Variants in PRKCB observed in about 807,000 individuals in gnomAD.
PRKCB encodes protein kinase C beta type.
In PRKCB, 13 loss-of-function variants were observed where a neutral mutation model predicts 81.5. The ratio of observed to expected loss-of-function variants is 0.16; its 90% CI spans 0.10 to 0.25. PRKCB has a LOEUF of 0.25. Ranked by LOEUF, PRKCB falls within the 10% of genes least tolerant of loss-of-function variation. The pLI, the probability that PRKCB is intolerant of heterozygous loss-of-function variation, is 1.00. For missense variants in PRKCB, 509 were observed against 875.7 expected (o/e 0.58, Z 5.29); for synonymous variants, 335 against 321.4 (o/e 1.04, Z -0.45).
At chr16:24,202,088 A>C (rs181026102) in intron 16 of PRKCB, among the ~76,000 whole-genome samples, 101 of 152,292 alleles carry the variant, frequency 6.6e-4, no homozygotes, top group African/African-American at 2.3e-3. Flanking sequence ...ACTAGAAGAA[A>C]AGACAATGCC....
At chr16:23,865,412 C>T (rs1245882271) in intron 2 of PRKCB, among the ~76,000 whole-genome samples, 1 of 137,458 alleles carries the variant, frequency 7.3e-6, no homozygotes, top group African/African-American at 2.7e-5. Flanking sequence ...AGGTGATCCT[C>T]CCACCTCAGC....
At chr16:24,000,489 G>A (rs1002494167) in intron 3 of PRKCB, among the ~76,000 whole-genome samples, 2 of 152,194 alleles carry the variant, frequency 1.3e-5, no homozygotes, top group East Asian at 1.9e-4. Context: ...TGGGCATGTC[G>A]TTCGACTTCT....
rs398029038 is a variant in PRKCB, at chr16:23,886,406, GTTT to G, written c.205+49024_205+49026del. Among the ~76,000 whole-genome samples the G allele has an allele frequency of 9.4e-3, 659 of 70,194 alleles. 2 individuals carry two copies. Among genetic ancestry groups the G allele is most frequent in the African/African-American group, 0.031 (479 of 15,508 alleles). 46.0% of individuals were successfully genotyped at this position (70,194 alleles called of 152,430 possible). On this transcript the variant is annotated intron_variant, in intron 2 of 16. Transcript: ENST00000643927. Reference sequence around the variant, plus strand: ...AGGGTTGGACTATGGTGTGTTAGGTGTTTTTTTTTTTTTTTTTTTTTTTTTTGA... The same window carrying G: ...AGGGTTGGACTATGGTGTGTTAGGTGTTTTTTTTTTTTTTTTTTTTTTTGA...
intron 9 of PRKCB, among the ~76,000 whole-genome samples, chr16:24,136,909 A>G (rs1451716231): frequency 1.3e-5 from 2 of 151,680 alleles, no homozygotes; most frequent in Non-Finnish European, 2.9e-5. Flanking sequence ...ATGGAGTCTC[A>G]CTCTGTCGCC....
At chr16:24,055,868 C>T (rs186075698) in intron 5 of PRKCB, among the ~76,000 whole-genome samples, 1 of 152,266 alleles carries the variant, frequency 6.6e-6, no homozygotes, top group Non-Finnish European at 1.5e-5. Flanking sequence ...TATAAATTTC[C>T]TGCACTACAA....
At chr16:24,183,084 T>A (rs980653801) in intron 13 of PRKCB, among the ~76,000 whole-genome samples, 2 of 151,986 alleles carry the variant, frequency 1.3e-5, no homozygotes, top group African/African-American at 2.4e-5. Flanking sequence ...ATGGTCGCGA[T>A]CTCCTGACCT....
chr16:24,089,382 C>T (rs1457112608), intron 5 of PRKCB, among the ~76,000 whole-genome samples: 2 of 151,992 alleles, frequency 1.3e-5, no homozygotes, highest in Non-Finnish European at 2.9e-5. Flanking sequence ...TGGAAGGGTT[C>T]GAGTAAACAT....
At chr16:23,968,645 G>T (rs1403302879) in intron 2 of PRKCB, among the ~76,000 whole-genome samples, 1 of 152,104 alleles carries the variant, frequency 6.6e-6, no homozygotes, top group African/African-American at 2.4e-5. Flanking sequence ...ATTCTGTAAG[G>T]GTCAGCCTTT....
chr16:24,027,809 A>T (rs1965501364), intron 3 of PRKCB, among the ~76,000 whole-genome samples: 1 of 152,104 alleles, frequency 6.6e-6, no homozygotes, highest in African/African-American at 2.4e-5. Context: ...TTGCTCTCCC[A>T]CCCATGCTGG....
At chr16:24,033,170 G>A (rs1377513410) in intron 4 of PRKCB, among the ~76,000 whole-genome samples, 1 of 152,164 alleles carries the variant, frequency 6.6e-6, no homozygotes, top group Non-Finnish European at 1.5e-5. Context: ...AGACCTGTTG[G>A]TCTGCAGCAG....
At chr16:23,948,008 C>A (rs1262257882) in intron 2 of PRKCB, among the ~76,000 whole-genome samples, 2 of 151,522 alleles carry the variant, frequency 1.3e-5, no homozygotes, top group Non-Finnish European at 2.9e-5. Flanking sequence ...GACATGTGAC[C>A]TAGGATCTGT....
intron 2 of PRKCB, among the ~76,000 whole-genome samples, chr16:23,920,105 G>A (rs1597246118): frequency 6.6e-6 from 1 of 152,136 alleles, no homozygotes; most frequent in Non-Finnish European, 1.5e-5. Context: ...GCACCATTTT[G>A]CATTCCCATC....
chr16:23,912,148 C>T (rs1963668184), intron 2 of PRKCB, among the ~76,000 whole-genome samples: 1 of 152,062 alleles, frequency 6.6e-6, no homozygotes, highest in Non-Finnish European at 1.5e-5. Flanking sequence ...CCCCTTTATA[C>T]CCTCCAGGGA....
At chr16:24,077,463 A>G (rs756366195) in intron 5 of PRKCB, among the ~76,000 whole-genome samples, 6 of 150,504 alleles carry the variant, frequency 4.0e-5, no homozygotes, top group Admixed American at 2.6e-4. Context: ...TAATCCATCC[A>G]TCCATCCACA....
intron 10 of PRKCB, among the ~76,000 whole-genome samples, chr16:24,171,705 G>T (rs2141965660): frequency 6.6e-6 from 1 of 152,052 alleles, no homozygotes; most frequent in South Asian, 2.1e-4. Flanking sequence ...GTATTTTCCA[G>T]CAAAAACAAA....
intron 12 of PRKCB, among the ~76,000 whole-genome samples, chr16:24,177,767 A>G (rs1197596261): frequency 6.6e-6 from 1 of 152,192 alleles, no homozygotes; most frequent in Non-Finnish European, 1.5e-5. Flanking sequence ...TGGTGGTGTC[A>G]CTGGACAAGC....
Position 24,217,836 on chromosome 16 carries a change from G to T in PRKCB, c.*3020G>T. The T allele has an allele frequency of 1.0e-6, 1 of 985,436 alleles. No homozygotes were observed. The highest frequency in any genetic ancestry group is 1.2e-6 in the Non-Finnish European group (1 of 829,978). The allele number at this position is 985,436 out of a possible 1,614,324, so 61.0% of individuals were successfully genotyped here. On this transcript the variant is annotated 3_prime_UTR_variant, in exon 17 of 17. Transcript: ENST00000643927. Reference sequence around the variant, plus strand: ...GCCTTTTAGCTCACACACTGTCCTGGAGTTCTCAGACCTTTAGGGGCCCTA... The same window carrying T: ...GCCTTTTAGCTCACACACTGTCCTGTAGTTCTCAGACCTTTAGGGGCCCTA...
intron 2 of PRKCB, among the ~76,000 whole-genome samples, chr16:23,883,580 G>A (rs974424044): frequency 4.6e-5 from 7 of 152,190 alleles, no homozygotes; most frequent in Admixed American, 4.6e-4. Flanking sequence ...GTTGGGGACT[G>A]GAGCAGAAGT....
chr16:24,160,774 T>C (rs1967242102), intron 10 of PRKCB, among the ~76,000 whole-genome samples: 1 of 151,952 alleles, frequency 6.6e-6, no homozygotes, highest in Non-Finnish European at 1.5e-5. Context: ...TTTGATAGGA[T>C]CATCAAGGAA....
Sources: allele counts gnomAD v4.1 joint callset (sites outside exome capture counted in the v4.1 genomes callset), GRCh38; gene constraint gnomAD v4.1.1; transcripts MANE v1.5; gene names NCBI Gene and HGNC (gene_info 2026-07-23, HGNC 2026-07-21).